Variants in PTPRG observed in about 807,000 individuals in gnomAD.
The protein encoded by PTPRG is protein tyrosine phosphatase receptor type G, also known as receptor-type tyrosine-protein phosphatase gamma.
Under a neutral mutation model 165.3 loss-of-function variants are expected in PTPRG, and 102 were observed. The ratio of observed to expected loss-of-function variants is 0.62; its 90% confidence interval spans 0.53 to 0.73. PTPRG has a LOEUF of 0.73. Among genes scored for constraint, PTPRG ranks in the 30% least tolerant of loss-of-function variants. The probability of loss-of-function intolerance (pLI) is 0.00; values close to 1 mark genes in which losing one functional copy is unlikely to be tolerated. For missense variants in PTPRG, 1,866 were observed against 1,861.4 expected, an observed-to-expected ratio of 1.00 and a Z score of -0.05; for synonymous variants, 675 against 669.5, an observed-to-expected ratio of 1.01 and a Z score of -0.13.
At position 61,932,956 on chromosome 3, in the gene PTPRG, G is replaced by T. The variant is rs745694428; in HGVS notation, c.191-56669G>T. 2.6e-5 allele frequency among the ~76,000 whole-genome samples: 4 copies of T among 152,136 alleles called. No individual in the cohort carries two copies. The East Asian group carries it at 7.7e-4, about 29-fold the overall frequency. On this transcript the variant is annotated intron_variant, in intron 2 of 29. Coordinates refer to ENST00000474889, the MANE Select transcript of PTPRG (RefSeq NM_002841.4). Reference sequence around the variant, plus strand: ...AATAAATGAATGAAACCCCCCACTTGCTACTTCACTTTTAGCTAAAAAGTC... The same window carrying T: ...AATAAATGAATGAAACCCCCCACTTTCTACTTCACTTTTAGCTAAAAAGTC...
chr3:61,841,748 G>C (rs1365313907), intron 2 of PTPRG, among the ~76,000 whole-genome samples: 1 of 152,194 alleles, frequency 6.6e-6, no homozygotes, highest in African/African-American at 2.4e-5. Flanking sequence ...AGCTGCTTGA[G>C]AAAGATGTGT....
chr3:62,099,791 A>ATATTTT (rs1379766555), intron 5 of PTPRG, among the ~76,000 whole-genome samples: 1 of 133,878 alleles, frequency 7.5e-6, no homozygotes, highest in Non-Finnish European at 1.6e-5. Context: ...TAAGTGTTAA[A>ATATTTT]TCTTTTTTTT....
intron 2 of PTPRG, among the ~76,000 whole-genome samples, chr3:61,829,035 G>A (rs926057405): frequency 2.0e-5 from 3 of 152,278 alleles, no homozygotes; most frequent in Admixed American, 6.5e-5. Context: ...TCCTTAGCAC[G>A]TGGTGTGTAT....
intron 1 of PTPRG, among the ~76,000 whole-genome samples, chr3:61,691,955 A>G (rs2106661202): frequency 6.6e-6 from 1 of 152,344 alleles, no homozygotes; most frequent in Non-Finnish European, 1.5e-5. Flanking sequence ...CGGGTCGAAG[A>G]CAAATACATT....
chr3:62,024,927 A>G (rs2041772649), intron 4 of PTPRG, among the ~76,000 whole-genome samples: 1 of 152,194 alleles, frequency 6.6e-6, no homozygotes, highest in Admixed American at 6.5e-5. Flanking sequence ...ATTTTCAGTA[A>G]TAATCTGTCT....
chr3:62,029,126 C>T (rs557389983), intron 4 of PTPRG, among the ~76,000 whole-genome samples: 16 of 152,268 alleles, frequency 1.1e-4, no homozygotes, highest in African/African-American at 3.6e-4. Flanking sequence ...AGTGTCTTCT[C>T]TCACACACAC....
chr3:61,815,377 T>G (rs2035727018), intron 2 of PTPRG, among the ~76,000 whole-genome samples: 1 of 152,082 alleles, frequency 6.6e-6, no homozygotes, highest in South Asian at 2.1e-4. Context: ...CACTCCAGAC[T>G]GGGCAACAGA....
intron 7 of PTPRG, among the ~76,000 whole-genome samples, chr3:62,167,526 C>T (rs532116304): frequency 1.3e-5 from 2 of 152,286 alleles, no homozygotes; most frequent in South Asian, 4.1e-4. Flanking sequence ...AATGGTGGCT[C>T]AGGTTAAGCA....
intron 1 of PTPRG, among the ~76,000 whole-genome samples, chr3:61,606,342 G>A (rs1225974060): frequency 6.6e-6 from 1 of 152,168 alleles, no homozygotes; most frequent in Non-Finnish European, 1.5e-5. Flanking sequence ...AAGGTGGTGG[G>A]GGTGCGGGGT....
intron 2 of PTPRG, among the ~76,000 whole-genome samples, chr3:61,807,675 C>T (rs1443460629): frequency 6.6e-6 from 1 of 152,138 alleles, no homozygotes; most frequent in Admixed American, 6.5e-5. Flanking sequence ...TAAATGCCAT[C>T]TTGATAACAG....
At chr3:61,883,357 C>G (rs1048737547) in intron 2 of PTPRG, among the ~76,000 whole-genome samples, 2 of 152,202 alleles carry the variant, frequency 1.3e-5, no homozygotes, top group Admixed American at 1.3e-4. Context: ...TGTGCCCTTC[C>G]CTGTGGTTCT....
intron 1 of PTPRG, among the ~76,000 whole-genome samples, chr3:61,605,808 A>C (rs1330773195): frequency 6.6e-6 from 1 of 152,056 alleles, no homozygotes; most frequent in Non-Finnish European, 1.5e-5. Context: ...TCCTGGCCTT[A>C]AGCAATCCTC....
Position 62,271,421 on chromosome 3 carries a change from G to T in PTPRG, c.3048G>T (p.Arg1016Ser). The T allele has an allele frequency of 1.2e-6, 2 of 1,612,328 alleles. No homozygotes were observed. Among genetic ancestry groups the T allele is most frequent in the African/African-American group, 1.3e-5 (1 of 75,018 alleles). Residue 1016 changes from arginine to serine, a missense_variant, in exon 21 of 30, where the codon AGG becomes AGT. Arg to Ser is a moderately radical substitution (Grantham distance 110). Around this residue, in one of 3 missense-constraint regions of PTPRG, gnomAD observed 1,452 missense variants for 1,463.0 expected, o/e 0.99. Transcript: ENST00000474889. The surrounding 1 kb of genome is among the most constrained non-coding windows in gnomAD (Gnocchi z 4.1). Reference sequence around the variant, plus strand: ...ATCCCAAGGGTCGTCAGAATGAAAGGGTAGTGATCCAGTATCACTATACAC... The same window carrying T: ...ATCCCAAGGGTCGTCAGAATGAAAGTGTAGTGATCCAGTATCACTATACAC... ...KGNPKGRQNE[R>S]VVIQYHYTQW... is the part of the protein sequence containing the mutation.
At chr3:62,050,444 C>T (rs893155995) in intron 4 of PTPRG, among the ~76,000 whole-genome samples, 18 of 152,296 alleles carry the variant, frequency 1.2e-4, no homozygotes, top group African/African-American at 4.3e-4. Context: ...TGTAAGTACA[C>T]TCTGATGTCT....
At chr3:62,067,154 G>C (rs955436838) in intron 4 of PTPRG, among the ~76,000 whole-genome samples, 1 of 151,872 alleles carries the variant, frequency 6.6e-6, no homozygotes, top group East Asian at 1.9e-4. Flanking sequence ...GAAAAACAAA[G>C]GGCTTTACCA....
intron 4 of PTPRG, among the ~76,000 whole-genome samples, chr3:62,010,302 G>A (rs2041391080): frequency 6.6e-6 from 1 of 151,892 alleles, no homozygotes; most frequent in South Asian, 2.1e-4. Context: ...GTCCTCCGCT[G>A]AAGAATCTGT....
At chr3:62,246,714 T>C (rs1701296275) in intron 15 of PTPRG, among the ~76,000 whole-genome samples, 1 of 152,150 alleles carries the variant, frequency 6.6e-6, no homozygotes, top group Non-Finnish European at 1.5e-5. Flanking sequence ...AATTATCCAA[T>C]TGTTTTTATT....
At chr3:62,056,418 A>AT (rs534334051) in intron 4 of PTPRG, among the ~76,000 whole-genome samples, 42 of 148,922 alleles carry the variant, frequency 2.8e-4, no homozygotes, top group South Asian at 8.5e-4. Flanking sequence ...ACCTTATAAG[A>AT]TTTTTTTTTT....
At chr3:61,639,364 T>C (rs908320622) in intron 1 of PTPRG, among the ~76,000 whole-genome samples, 2 of 152,252 alleles carry the variant, frequency 1.3e-5, no homozygotes, top group African/African-American at 2.4e-5. Flanking sequence ...TGTGTTCTTT[T>C]TGCTTAAGAT....
Sources: allele counts gnomAD v4.1 joint callset (sites outside exome capture counted in the v4.1 genomes callset), GRCh38; gene constraint gnomAD v4.1.1; regional missense constraint gnomAD v4.1.1; non-coding constraint Gnocchi (gnomAD v3.1); transcripts MANE v1.5; gene names NCBI Gene and HGNC (gene_info 2026-07-23, HGNC 2026-07-21).